Variants in BNIP3 observed in about 807,000 individuals in gnomAD.
The protein encoded by BNIP3 is BCL2 interacting protein 3, also known as BCL2/adenovirus E1B 19 kDa protein-interacting protein 3.
Under a neutral mutation model 23.9 loss-of-function variants are expected in BNIP3, and 16 were observed. The ratio of observed to expected loss-of-function variants is 0.67; its 90% CI spans 0.45 to 1.01. The LOEUF (loss-of-function observed/expected upper bound fraction) is 1.01. Ranked by LOEUF, BNIP3 falls within the 50% of genes least tolerant of loss-of-function variation. The pLI, the probability that BNIP3 is intolerant of heterozygous loss-of-function variation, is 0.00. For synonymous variants in BNIP3, 81 were observed against 89.3 expected (o/e 0.91, Z 0.53); for missense variants, 198 against 248.7 (o/e 0.80, Z 1.37).
Position 131,973,027 on chromosome 10 carries a change from A to T in BNIP3, c.282+7T>A, listed in dbSNP as rs188961002. 1 of 1,610,698 alleles carries T rather than the reference A, an allele frequency of 6.2e-7. No individual in the cohort carries two copies. The highest frequency in any genetic ancestry group is 1.7e-5 in the Admixed American group (1 of 60,012). ...TTTTACAACTGCACATTCTCCTTCC[A>T]GCTTACCTGTGAGCTGTTTTTCTCT... On this transcript the variant is annotated splice_region_variant and intron_variant, in intron 3 of 5. Transcript: ENST00000368636.
chr10:131,979,943 C>T (rs1017746253), intron 1 of BNIP3, among the ~76,000 whole-genome samples: 13 of 152,226 alleles, frequency 8.5e-5, no homozygotes, highest in Non-Finnish European at 1.3e-4. Flanking sequence ...GCCACCGCTC[C>T]GTCCCGGATT....
intron 3 of BNIP3, among the ~76,000 whole-genome samples, chr10:131,972,776 G>A (rs1389141316): frequency 6.6e-6 from 1 of 152,096 alleles, no homozygotes; most frequent in East Asian, 1.9e-4. Context: ...CTGATGGCAG[G>A]CAGGGAGGGA....
rs779112440 is a variant in BNIP3 at position 131,972,988 on chromosome 10, C to G, written c.282+46G>C. ...CATTTAAAACCGTTTCCTGTACAAA[C>G]AGATCACAAATACTTTTACAACTGC... On this transcript the variant is annotated intron_variant, in intron 3 of 5. Transcript: ENST00000368636. 1.0e-5 allele frequency: 16 copies of G among 1,569,044 alleles called. No individual in the cohort carries two copies. In the South Asian group the frequency reaches 1.4e-4, roughly 14 times the overall value.
intron 1 of BNIP3, among the ~76,000 whole-genome samples, chr10:131,974,244 T>C (rs558869096): frequency 1.3e-5 from 2 of 152,322 alleles, no homozygotes; most frequent in East Asian, 1.9e-4. Flanking sequence ...GTCAACAGAA[T>C]CCAATTAGAA....
intron 1 of BNIP3, chr10:131,980,933 G>C (rs918067792): frequency 6.6e-6 from 1 of 152,202 alleles, no homozygotes; most frequent in African/African-American, 2.4e-5. Context: ...CTGAGCAAAG[G>C]CTCGTCTGGA....
chr10:131,971,157 C>A, intron 3 of BNIP3, 187 bp from the exon 4 acceptor site: 1 of 602,226 alleles, frequency 1.7e-6, no homozygotes, highest in Non-Finnish European at 2.9e-6. Flanking sequence ...CGCCGCACTC[C>A]CGGCTCACAG....
Sources: allele counts gnomAD v4.1 joint callset (sites outside exome capture counted in the v4.1 genomes callset), GRCh38; gene constraint gnomAD v4.1.1; transcripts MANE v1.5; gene names NCBI Gene and HGNC (gene_info 2026-07-23, HGNC 2026-07-21).